Variants in ZBTB1 observed in about 807,000 individuals in gnomAD.
ZBTB1 encodes zinc finger and BTB domain containing 1, also known as zinc finger and BTB domain-containing protein 1.
In ZBTB1, 13 loss-of-function variants were observed where a neutral mutation model predicts 51.6. The ratio of observed to expected loss-of-function variants is 0.25; its 90% CI spans 0.16 to 0.40. The LOEUF (loss-of-function observed/expected upper bound fraction) is 0.40. ZBTB1 is among the 10% of genes least tolerant of loss of function. The pLI is 1.00. For synonymous variants in ZBTB1, 240 were observed against 282.2 expected, an observed-to-expected ratio of 0.85 and a Z score of 1.50; for missense variants, 567 against 856.5, an observed-to-expected ratio of 0.66 and a Z score of 4.22.
At chr14:64,528,344 C>CTTTTTTTTTTTTTT (rs71123857), downstream of ZBTB1, among the ~76,000 whole-genome samples, 2 of 115,526 alleles carry the variant, frequency 1.7e-5, no homozygotes, top group Admixed American at 9.1e-5. Context: ...TTTTTCTTTT[C>CTTTTTTTTTTTTTT]TTTTTTTTTT....
In ZBTB1 at chr14:64,520,088, G is replaced by A. The variant is rs557045665; in HGVS notation, c.-18-1399G>A. 4.6e-5 allele frequency among the ~76,000 whole-genome samples: 7 copies of A among 151,988 alleles called. No homozygotes were observed. The South Asian group carries it at 6.2e-4, about 14-fold the overall frequency. On this transcript the variant is annotated intron_variant, in intron 1 of 1. Coordinates refer to ENST00000683701, the MANE Select transcript of ZBTB1 (RefSeq NM_001123329.2). ...GCGATCTCGGCTCACTGCAAGCTCC[G>A]CCTCCCAGGTTCATGCCAGTCTCCC...
At chr14:64,505,415 G>T (rs2079635636) in intron 1 of ZBTB1, among the ~76,000 whole-genome samples, 1 of 152,174 alleles carries the variant, frequency 6.6e-6, no homozygotes, top group Non-Finnish European at 1.5e-5. Flanking sequence ...TAAGATCCGT[G>T]CAAATTCTTG....
chr14:64,529,930 T>C (rs962358570), downstream of ZBTB1, among the ~76,000 whole-genome samples: 2 of 152,166 alleles, frequency 1.3e-5, no homozygotes, highest in African/African-American at 4.8e-5. Context: ...TAATTCAATT[T>C]CCCAAAATAC....
intron 1 of ZBTB1, among the ~76,000 whole-genome samples, chr14:64,505,398 G>A (rs1566628255): frequency 6.6e-6 from 1 of 152,174 alleles, no homozygotes; most frequent in African/African-American, 2.4e-5. Context: ...CTCCGAGGGA[G>A]GAGGCGTAAG....
chr14:64,517,956 C>T (rs1346549057), intron 1 of ZBTB1, among the ~76,000 whole-genome samples: 2 of 151,348 alleles, frequency 1.3e-5, no homozygotes, highest in East Asian at 1.9e-4. Context: ...GCCTCAGCCT[C>T]CCGAGTAGCT....
intron 1 of ZBTB1, among the ~76,000 whole-genome samples, chr14:64,517,465 T>C (rs1393734645): frequency 4.6e-5 from 7 of 152,058 alleles, no homozygotes. Context: ...GAAAGTTTGG[T>C]TTTTTAGAAA....
At chr14:64,512,043 G>A (rs1177846844) in intron 1 of ZBTB1, among the ~76,000 whole-genome samples, 4 of 152,132 alleles carry the variant, frequency 2.6e-5, no homozygotes, top group Admixed American at 2.6e-4. Flanking sequence ...GATCTATAAA[G>A]CAGTGGGTTG....
chr14:64,518,904 GTATATATATATATATA>G (rs71123855), intron 1 of ZBTB1, among the ~76,000 whole-genome samples: 12 of 95,122 alleles, frequency 1.3e-4, no homozygotes, highest in South Asian at 3.4e-4. Flanking sequence ...TTGCAGAGAG[GTATATATATATATATA>G]TATATATATA....
downstream of ZBTB1, among the ~76,000 whole-genome samples, chr14:64,528,413 C>A (rs1463493597): frequency 6.9e-6 from 1 of 144,664 alleles, no homozygotes; most frequent in East Asian, 2.0e-4. Context: ...CCTTACTACT[C>A]CCATCTCCTT....
chr14:64,505,115 C>G (rs2079624843), intron 1 of ZBTB1, 169 bp downstream of exon 1: 1 of 347,662 alleles, frequency 2.9e-6, no homozygotes, highest in Admixed American at 4.8e-5. Flanking sequence ...TGCCAGGCCG[C>G]CTGCTTGTTG....
chr14:64,504,541 G>T (rs919041513), upstream of ZBTB1: 1 of 179,458 alleles, frequency 5.6e-6, no homozygotes, highest in Admixed American at 6.3e-5. Context: ...CGGCCCCCGC[G>T]GTGCGGGTTG....
rs1386932514 is a variant in ZBTB1, at chr14:64,523,350, T to C, written c.1846T>C (p.Leu616=). The change falls in exon 2 of 2, where the codon TTA becomes CTA. Residue 616 remains leucine, a synonymous_variant. Transcript: ENST00000683701. The surrounding 1 kb of genome is among the most constrained non-coding windows in gnomAD (Gnocchi z 4.5). ...TTGTCAAACATGTGGAAAGCAGTTT[T>C]TAAGAGAGCGTCAGTTGCGACTGCA... The part of the protein sequence containing the change: ...FVCQTCGKQF[L]RERQLRLHND... 3.1e-6 allele frequency: 5 copies of C among 1,614,202 alleles called. No homozygotes were observed. The highest frequency in any genetic ancestry group is 3.3e-5 in the Admixed American group (2 of 60,024).
At chr14:64,504,502 G>A (rs956122562), upstream of ZBTB1, 2 of 163,814 alleles carry the variant, frequency 1.2e-5, no homozygotes, top group African/African-American at 4.8e-5. Flanking sequence ...AGAGGGGCAA[G>A]AGGGGTGGTC....
chr14:64,505,907 A>G (rs914718102), intron 1 of ZBTB1, among the ~76,000 whole-genome samples: 4 of 152,214 alleles, frequency 2.6e-5, no homozygotes, highest in African/African-American at 9.7e-5. Flanking sequence ...ACTCGAACCC[A>G]AGGAGTGGTC....
At chr14:64,512,921 A>ATCTTGGGCTTAGAG (rs1233197719) in intron 1 of ZBTB1, among the ~76,000 whole-genome samples, 3 of 152,142 alleles carry the variant, frequency 2.0e-5, no homozygotes, top group African/African-American at 7.2e-5. Flanking sequence ...TAAGGTCATG[A>ATCTTGGGCTTAGAG]TCTTGGGCTT....
In ZBTB1 at chr14:64,522,011, A is replaced by G; in HGVS notation, c.507A>G (p.Thr169=). The change falls in exon 2 of 2, where the codon ACA becomes ACG. Residue 169 remains threonine, a synonymous_variant. Coordinates refer to ENST00000683701, the MANE Select transcript of ZBTB1 (RefSeq NM_001123329.2). The stretch of plus-strand genomic sequence containing the variant: ...CAGAGCCAAGTTCAACGGTAAATAC[A>G]CCACATAATAGAGAGGCTGATGAAG... ...WCAEPSSTVN[T]PHNREADEES... The G allele has an allele frequency of 6.2e-7, 1 of 1,614,258 alleles. No individual in the cohort carries two copies. Among genetic ancestry groups the G allele is most frequent in the Non-Finnish European group, 8.5e-7 (1 of 1,180,050 alleles).
intron 1 of ZBTB1, among the ~76,000 whole-genome samples, chr14:64,517,710 C>T (rs1318650068): frequency 1.4e-5 from 2 of 143,802 alleles, no homozygotes; most frequent in Non-Finnish European, 3.0e-5. Context: ...ATTTATTTGG[C>T]TCTCCATCTT....
At chr14:64,529,611 A>G (rs1481051112), downstream of ZBTB1, among the ~76,000 whole-genome samples, 1 of 151,986 alleles carries the variant, frequency 6.6e-6, no homozygotes, top group Non-Finnish European at 1.5e-5. Context: ...ATCTCTACAA[A>G]AATTTAAAAA....
intron 1 of ZBTB1, chr14:64,518,687 T>C (rs2079823057): frequency 6.6e-6 from 1 of 152,104 alleles, no homozygotes; most frequent in Non-Finnish European, 1.5e-5. Flanking sequence ...GGAACTTATT[T>C]TTAAGTAGAA....
Sources: allele counts gnomAD v4.1 joint callset (sites outside exome capture counted in the v4.1 genomes callset), GRCh38; gene constraint gnomAD v4.1.1; non-coding constraint Gnocchi (gnomAD v3.1); transcripts MANE v1.5; gene names NCBI Gene and HGNC (gene_info 2026-07-23, HGNC 2026-07-21).